Variants in NELL2 observed in about 807,000 individuals in gnomAD.
NELL2 encodes neural EGFL like 2, also known as protein kinase C-binding protein NELL2.
In NELL2, 41 loss-of-function variants were observed where a neutral mutation model predicts 109.6. That is an observed-to-expected ratio of 0.37 (90% confidence interval 0.29 to 0.49). NELL2 has a LOEUF of 0.49. Ranked by LOEUF, NELL2 falls within the 20% of genes least tolerant of loss-of-function variation. The pLI, the probability that NELL2 is intolerant of heterozygous loss-of-function variation, is 0.98. For missense variants in NELL2, 900 were observed against 1,008.3 expected (o/e 0.89, Z 1.45); for synonymous variants, 355 against 344.7 (o/e 1.03, Z -0.33).
intron 19 of NELL2, among the ~76,000 whole-genome samples, chr12:44,516,750 GC>G (rs1941278947): frequency 6.6e-6 from 1 of 152,096 alleles, no homozygotes; most frequent in Non-Finnish European, 1.5e-5. Flanking sequence ...AGCCTTGAAC[GC>G]CTAGGCTCAA....
intron 19 of NELL2, among the ~76,000 whole-genome samples, chr12:44,511,164 T>C (rs1358335285): frequency 6.6e-6 from 1 of 152,194 alleles, no homozygotes; most frequent in Non-Finnish European, 1.5e-5. Context: ...CCATATTGGA[T>C]ATGTTCTGCT....
At chr12:44,759,991 C>G (rs1566329076) in intron 9 of NELL2, among the ~76,000 whole-genome samples, 1 of 152,146 alleles carries the variant, frequency 6.6e-6, no homozygotes. Context: ...GACTTTGGAA[C>G]CTGAAAACAA....
chr12:44,736,645 T>C (rs1939669242), intron 9 of NELL2, among the ~76,000 whole-genome samples: 1 of 152,138 alleles, frequency 6.6e-6, no homozygotes, highest in Non-Finnish European at 1.5e-5. Context: ...AGAAAAGAAG[T>C]TATCCCCAAA....
chr12:44,876,878 G>C (rs1185972906), upstream of NELL2: 2 of 1,291,622 alleles, frequency 1.5e-6, no homozygotes. Context: ...GCGAGCCTGG[G>C]AAGCCCCGGG....
chr12:44,680,328 T>A (rs1948456075), intron 12 of NELL2, among the ~76,000 whole-genome samples: 1 of 152,184 alleles, frequency 6.6e-6, no homozygotes, highest in Non-Finnish European at 1.5e-5. Flanking sequence ...TAGGACCTTA[T>A]AACAACTCAG....
At chr12:44,894,709 G>A (rs1464719537) in intron 1 of NELL2, among the ~76,000 whole-genome samples, 4 of 152,024 alleles carry the variant, frequency 2.6e-5, no homozygotes, top group East Asian at 1.9e-4. Context: ...TATGGAACAC[G>A]TAATAACAAT....
intron 16 of NELL2, among the ~76,000 whole-genome samples, chr12:44,531,800 C>A (rs1052972841): frequency 1.1e-4 from 16 of 152,176 alleles, no homozygotes; most frequent in African/African-American, 3.4e-4. Flanking sequence ...ATGGAGAAAA[C>A]AATGAGTTCT....
At chr12:44,686,182 T>C (rs1294889270) in intron 12 of NELL2, among the ~76,000 whole-genome samples, 1 of 152,232 alleles carries the variant, frequency 6.6e-6, no homozygotes, top group Non-Finnish European at 1.5e-5. Context: ...CCATCGCTGA[T>C]ACCCTTTCTT....
intron 15 of NELL2, among the ~76,000 whole-genome samples, chr12:44,583,635 T>C (rs906624646): frequency 6.6e-6 from 1 of 152,200 alleles, no homozygotes; most frequent in Non-Finnish European, 1.5e-5. Flanking sequence ...TTTCACTCTA[T>C]AGAGGAGCTT....
chr12:44,561,039 T>TA (rs1555176339), intron 15 of NELL2, among the ~76,000 whole-genome samples: 1 of 152,186 alleles, frequency 6.6e-6, no homozygotes, highest in Non-Finnish European at 1.5e-5. Context: ...TGCAAATCAA[T>TA]AAACATAATC....
At chr12:44,593,930 C>T (rs1391262594) in intron 15 of NELL2, among the ~76,000 whole-genome samples, 1 of 152,164 alleles carries the variant, frequency 6.6e-6, no homozygotes, top group African/African-American at 2.4e-5. Flanking sequence ...GGCACATATA[C>T]ACCATGGAAT....
chr12:44,849,833 C>T (rs1046192289), intron 2 of NELL2, among the ~76,000 whole-genome samples: 1 of 152,018 alleles, frequency 6.6e-6, no homozygotes, highest in Non-Finnish European at 1.5e-5. Flanking sequence ...ATTACTGATA[C>T]ATACAACATA....
intron 9 of NELL2, among the ~76,000 whole-genome samples, chr12:44,754,423 T>A (rs184489717): frequency 4.6e-5 from 7 of 152,324 alleles, no homozygotes; most frequent in African/African-American, 1.7e-4. Flanking sequence ...AATGTTAGAA[T>A]CATCATCAGC....
chr12:44,729,914 C>G (rs1391903539), intron 9 of NELL2, among the ~76,000 whole-genome samples: 1 of 152,154 alleles, frequency 6.6e-6, no homozygotes, highest in Non-Finnish European at 1.5e-5. Context: ...CCTCAGCCTC[C>G]TGAGTAGCTA....
At chr12:44,687,622 C>CT (rs2136388363) in intron 12 of NELL2, among the ~76,000 whole-genome samples, 1 of 152,218 alleles carries the variant, frequency 6.6e-6, no homozygotes, top group Admixed American at 6.5e-5. Context: ...AAAAGGAATG[C>CT]TAAGAGTTAT....
At chr12:44,795,284 C>A (rs1229251205) in intron 3 of NELL2, among the ~76,000 whole-genome samples, 1 of 151,844 alleles carries the variant, frequency 6.6e-6, no homozygotes, top group Non-Finnish European at 1.5e-5. Context: ...CTTCTAGTGC[C>A]AAATATATAT....
intron 13 of NELL2, among the ~76,000 whole-genome samples, chr12:44,611,624 T>C (rs979124828): frequency 3.9e-5 from 6 of 152,112 alleles, no homozygotes; most frequent in Non-Finnish European, 7.4e-5. Context: ...TAACTGCTTA[T>C]AACTTGAAAC....
upstream of NELL2, among the ~76,000 whole-genome samples, chr12:44,916,121 T>C (rs75163545): frequency 6.6e-6 from 1 of 152,176 alleles, no homozygotes; most frequent in Non-Finnish European, 1.5e-5. Flanking sequence ...GCCTACATAA[T>C]TTAACAAGTA....
chr12:44,736,953 A>G (rs1939685005), intron 9 of NELL2, among the ~76,000 whole-genome samples: 1 of 152,082 alleles, frequency 6.6e-6, no homozygotes, highest in Non-Finnish European at 1.5e-5. Context: ...TGACTATCAC[A>G]ATGTAAATAT....
Sources: allele counts gnomAD v4.1 joint callset (sites outside exome capture counted in the v4.1 genomes callset), GRCh38; gene constraint gnomAD v4.1.1; transcripts MANE v1.5; gene names NCBI Gene and HGNC (gene_info 2026-07-23, HGNC 2026-07-21).